The following PIEZO2 variants were observed in gnomAD, a reference collection of about 807,000 sequenced individuals.
PIEZO2 encodes piezo-type mechanosensitive ion channel component 2.
Under a neutral mutation model 337.3 loss-of-function variants are expected in PIEZO2, and 172 were observed. That is an observed-to-expected ratio of 0.51 (90% CI 0.45 to 0.58). The LOEUF (loss-of-function observed/expected upper bound fraction) is 0.58, where lower values mean the gene tolerates loss of function less well. PIEZO2 is among the 20% of genes least tolerant of loss of function. The pLI is 0.00. For missense variants in PIEZO2, 3,028 were observed against 3,391.3 expected (o/e 0.89, Z 2.66); for synonymous variants, 1,251 against 1,228.5 (o/e 1.02, Z -0.38).
rs2040432247 is a variant in PIEZO2 at position 11,134,682 on chromosome 18, C to T, written c.64+13843G>A. Among the ~76,000 whole-genome samples, 3 of 152,186 alleles carry T rather than the reference C, an allele frequency of 2.0e-5. No individual in the cohort carries two copies. In the South Asian group the frequency reaches 6.2e-4, roughly 31 times the overall value. On this transcript the variant is annotated intron_variant, in intron 1 of 55. Transcript: ENST00000674853. ...ACGTTGTACTAAACTCTTAGAAATT[C>T]ACCATTTGCAGTAGACACTAAGCTC...
At chr18:10,749,277 T>G (rs960697645) in intron 29 of PIEZO2, among the ~76,000 whole-genome samples, 1 of 151,948 alleles carries the variant, frequency 6.6e-6, no homozygotes, top group East Asian at 1.9e-4. Context: ...CTGGGCAACA[T>G]CTCTACAAAA....
At chr18:11,091,343 CA>C (rs2039082758) in intron 1 of PIEZO2, among the ~76,000 whole-genome samples, 1 of 130,900 alleles carries the variant, frequency 7.6e-6, no homozygotes, top group Non-Finnish European at 1.5e-5. Flanking sequence ...CAGATGGTGA[CA>C]GAGCACTCCA....
intron 2 of PIEZO2, among the ~76,000 whole-genome samples, chr18:11,056,464 A>G (rs1429323973): frequency 1.3e-4 from 20 of 152,188 alleles, no homozygotes; most frequent in Admixed American, 1.1e-3. Flanking sequence ...AGGCTCTTAG[A>G]ATTCTTGATT....
In PIEZO2 at chr18:11,129,768, CTGGCTCTGAGCTGACGTTG is replaced by C. The variant is rs1320265418; in HGVS notation, c.64+18738_64+18756del. 2.0e-5 allele frequency among the ~76,000 whole-genome samples: 3 copies of C among 152,182 alleles called. No homozygotes were observed. Among genetic ancestry groups the C allele is most frequent in the Non-Finnish European group, 4.4e-5 (3 of 68,028 alleles). On this transcript the variant is annotated intron_variant, in intron 1 of 55. Coordinates refer to ENST00000674853, the MANE Select transcript of PIEZO2 (RefSeq NM_001378183.1). This position sits in a 1 kb window ranked among gnomAD's most constrained non-coding sequence, Gnocchi z 4.6. ...TCAGACATTTCAGGGACTACTGGCT[CTGGCTCTGAGCTGACGTTG>C]GATCCAGGGGACCCAAAATGTCATC...
rs2091335693 is a variant in PIEZO2 at position 10,988,669 on chromosome 18, G to A, written c.161-9009C>T. Among the ~76,000 whole-genome samples, 1 of 152,082 alleles carries A rather than the reference G, an allele frequency of 6.6e-6. No individual in the cohort carries two copies. The highest frequency in any genetic ancestry group is 6.6e-5 in the Admixed American group (1 of 15,248). ...GCATTATGCAAAACAACCAAGATAT[G>A]GAAACATCCTAAATGTCCACTGAAG... On this transcript the variant is annotated intron_variant, in intron 2 of 55. Coordinates refer to ENST00000674853, the MANE Select transcript of PIEZO2 (RefSeq NM_001378183.1). This position sits in a 1 kb window ranked among gnomAD's most constrained non-coding sequence, Gnocchi z 4.8.
intron 2 of PIEZO2, among the ~76,000 whole-genome samples, chr18:11,014,365 G>A (rs1402788258): frequency 1.3e-5 from 2 of 148,290 alleles, no homozygotes; most frequent in African/African-American, 5.0e-5. Context: ...ACCCTGGACA[G>A]GACAGCAATC....
rs2035547094 is a variant in PIEZO2, at chr18:11,001,854, G to T, written c.161-22194C>A. On this transcript the variant is annotated intron_variant, in intron 2 of 55. Transcript: ENST00000674853. The surrounding 1 kb of genome is among the most constrained non-coding windows in gnomAD (Gnocchi z 5.3). ...GATTGCACCACTGTACTCCAGCCTG[G>T]GTGATAGAGCGAGATTCAAAAAAGA... 6.6e-6 allele frequency among the ~76,000 whole-genome samples: 1 copy of T among 150,566 alleles called. No homozygotes were observed. Among genetic ancestry groups the T allele is most frequent in the Non-Finnish European group, 1.5e-5 (1 of 67,890 alleles).
Position 11,094,548 on chromosome 18 carries a change from A to C in PIEZO2, c.65-28326T>G, listed in dbSNP as rs1473202186. ...CAGCAACTCTCCAAAAGCAGTCGCT[A>C]ATTAATAAGTGCAGGCACTCAGAAG... On this transcript the variant is annotated intron_variant, in intron 1 of 55. Coordinates refer to ENST00000674853, the MANE Select transcript of PIEZO2 (RefSeq NM_001378183.1). This position sits in a 1 kb window ranked among gnomAD's most constrained non-coding sequence, Gnocchi z 4.4. Among the ~76,000 whole-genome samples, 2 of 152,314 alleles carry C rather than the reference A, an allele frequency of 1.3e-5. No homozygotes were observed. The highest frequency in any genetic ancestry group is 3.9e-4 in the East Asian group (2 of 5,176).
intron 2 of PIEZO2, among the ~76,000 whole-genome samples, chr18:10,996,432 A>G (rs1568278248): frequency 6.6e-6 from 1 of 152,230 alleles, no homozygotes; most frequent in Non-Finnish European, 1.5e-5. Flanking sequence ...CATGTTGTGC[A>G]ATTATTTGGA....
intron 2 of PIEZO2, among the ~76,000 whole-genome samples, chr18:11,012,884 A>T (rs2145666022): frequency 6.6e-6 from 1 of 152,244 alleles, no homozygotes; most frequent in East Asian, 1.9e-4. Flanking sequence ...TCTGTACAAA[A>T]AATTTAAAAA....
intron 2 of PIEZO2, among the ~76,000 whole-genome samples, chr18:11,062,737 C>A (rs1292302148): frequency 6.6e-6 from 1 of 151,916 alleles, no homozygotes; most frequent in Non-Finnish European, 1.5e-5. Flanking sequence ...TTAGAATGGC[C>A]ATCATTAAAA....
At chr18:10,700,622 T>C (rs1303942286) in intron 43 of PIEZO2, among the ~76,000 whole-genome samples, 6 of 152,084 alleles carry the variant, frequency 3.9e-5, no homozygotes, top group Admixed American at 1.3e-4. Context: ...TTTTAAATGA[T>C]ACAAAAGAAT....
rs1001134909 is a variant in PIEZO2 at position 10,775,370 on chromosome 18, G to A, written c.2535-1332C>T. ...AATGTTATTAAATGTGGAAGTGATC[G>A]GCTGCTGCACAGTCGTCAGTATGTA... is the stretch of plus-strand genomic sequence containing the variant. On this transcript the variant is annotated intron_variant, in intron 18 of 55. Coordinates refer to ENST00000674853, the MANE Select transcript of PIEZO2 (RefSeq NM_001378183.1). This position sits in a 1 kb window ranked among gnomAD's most constrained non-coding sequence, Gnocchi z 4.3. Among the ~76,000 whole-genome samples, 7 of 152,214 alleles carry A rather than the reference G, an allele frequency of 4.6e-5. No homozygotes were observed. The highest frequency in any genetic ancestry group is 1.7e-4 in the African/African-American group (7 of 41,504).
chr18:10,942,731 T>A lies in PIEZO2; in HGVS notation c.287-31503A>T, dbSNP rs2032794066. On this transcript the variant is annotated intron_variant, in intron 3 of 55. Coordinates refer to ENST00000674853, the MANE Select transcript of PIEZO2 (RefSeq NM_001378183.1). The surrounding 1 kb of genome is among the most constrained non-coding windows in gnomAD (Gnocchi z 4.4). Reference sequence around the variant, plus strand: ...TTTGCATAAGTAATGAAGAGCCAAATATTAATCCCCAAGACAATGGGAAAA... The same window carrying A: ...TTTGCATAAGTAATGAAGAGCCAAAAATTAATCCCCAAGACAATGGGAAAA... Among the ~76,000 whole-genome samples, 4 of 152,186 alleles carry A rather than the reference T, an allele frequency of 2.6e-5. No homozygotes were observed. The highest frequency in any genetic ancestry group is 4.8e-5 in the African/African-American group (2 of 41,438).
At chr18:10,970,227 T>G (rs1598760769) in intron 3 of PIEZO2, among the ~76,000 whole-genome samples, 1 of 152,048 alleles carries the variant, frequency 6.6e-6, no homozygotes, top group Non-Finnish European at 1.5e-5. Context: ...ACTGGCAGAG[T>G]ACGTAAGGAC....
chr18:11,134,123 G>A (rs1254371689), intron 1 of PIEZO2, among the ~76,000 whole-genome samples: 1 of 152,176 alleles, frequency 6.6e-6, no homozygotes, highest in Admixed American at 6.5e-5. Flanking sequence ...ACATAGAGAA[G>A]GGACATTACA....
intron 35 of PIEZO2, among the ~76,000 whole-genome samples, chr18:10,732,960 A>G (rs2036845542): frequency 6.6e-6 from 1 of 152,234 alleles, no homozygotes; most frequent in South Asian, 2.1e-4. Flanking sequence ...TTGCTTTTAG[A>G]TGATGCACGA....
intron 1 of PIEZO2, among the ~76,000 whole-genome samples, chr18:11,113,366 C>T (rs2039790542): frequency 6.6e-6 from 1 of 152,126 alleles, no homozygotes; most frequent in South Asian, 2.1e-4. Flanking sequence ...GACAAAATAC[C>T]CACTAACAAC....
At position 11,048,668 on chromosome 18, in the gene PIEZO2, A is replaced by G. The variant is rs951220019; in HGVS notation, c.160+17459T>C. The stretch of plus-strand genomic sequence containing the variant: ...TTCACTCACTGAATCAATTTTTAAA[A>G]ATGATAGTTTCAGGAATTATTCAGT... On this transcript the variant is annotated intron_variant, in intron 2 of 55. Transcript: ENST00000674853. The surrounding 1 kb of genome is among the most constrained non-coding windows in gnomAD (Gnocchi z 4.5). Among the ~76,000 whole-genome samples, 9 of 152,214 alleles carry G rather than the reference A, an allele frequency of 5.9e-5. No individual in the cohort carries two copies. The highest frequency in any genetic ancestry group is 2.2e-4 in the African/African-American group (9 of 41,458).
Sources: allele counts gnomAD v4.1 joint callset (sites outside exome capture counted in the v4.1 genomes callset), GRCh38; gene constraint gnomAD v4.1.1; non-coding constraint Gnocchi (gnomAD v3.1); transcripts MANE v1.5; gene names NCBI Gene and HGNC (gene_info 2026-07-23, HGNC 2026-07-21).